The following RYR2 variants were observed in gnomAD, a reference collection of about 807,000 sequenced individuals.
RYR2 encodes cardiac muscle ryanodine receptor-calcium release channel.
Under a neutral mutation model 601.1 loss-of-function variants are expected in RYR2, and 227 were observed. The observed-to-expected ratio is 0.38, with a 90% CI of 0.34 to 0.42. RYR2 has a LOEUF of 0.42. RYR2 is among the 10% of genes least tolerant of loss of function. The probability of loss-of-function intolerance (pLI) is 1.00; values close to 1 mark genes in which losing one functional copy is unlikely to be tolerated. For synonymous variants in RYR2, 2,223 were observed against 2,175.1 expected, an observed-to-expected ratio of 1.02 and a Z score of -0.61; for missense variants, 4,646 against 6,156.5, an observed-to-expected ratio of 0.75 and a Z score of 8.21.
intron 73 of RYR2, among the ~76,000 whole-genome samples, chr1:237,719,391 G>A (rs377635319): frequency 6.6e-6 from 1 of 152,170 alleles, no homozygotes; most frequent in Non-Finnish European, 1.5e-5. Context: ...AGGAAGAAAA[G>A]AGGTTTAATT....
At chr1:237,126,713 G>A (rs1257868497) in intron 1 of RYR2, among the ~76,000 whole-genome samples, 5 of 152,116 alleles carry the variant, frequency 3.3e-5, no homozygotes, top group African/African-American at 1.2e-4. Flanking sequence ...TCAGCTCCTT[G>A]AAGGATCTGA....
intron 58 of RYR2, among the ~76,000 whole-genome samples, chr1:237,672,638 A>G (rs866359563): frequency 2.0e-5 from 3 of 152,200 alleles, no homozygotes; most frequent in Admixed American, 6.5e-5. Context: ...CTATTTGAAA[A>G]TATATAATAA....
intron 17 of RYR2, among the ~76,000 whole-genome samples, chr1:237,486,116 G>C (rs1345086996): frequency 6.6e-6 from 1 of 152,246 alleles, no homozygotes; most frequent in East Asian, 1.9e-4. Flanking sequence ...AATGACTTCA[G>C]GTTTTTAGCT....
intron 1 of RYR2, among the ~76,000 whole-genome samples, chr1:237,091,826 G>C (rs1379352149): frequency 6.6e-6 from 1 of 152,162 alleles, no homozygotes; most frequent in South Asian, 2.1e-4. Context: ...GGCCTGTGCT[G>C]CCTAATGTGG....
intron 1 of RYR2, among the ~76,000 whole-genome samples, chr1:237,179,482 G>A (rs1281981168): frequency 6.6e-6 from 1 of 151,778 alleles, no homozygotes; most frequent in African/African-American, 2.4e-5. Flanking sequence ...CTAGAAATGG[G>A]GAGGGAGAAG....
intron 11 of RYR2, among the ~76,000 whole-genome samples, chr1:237,422,537 A>G (rs989499746): frequency 5.9e-5 from 9 of 152,114 alleles, no homozygotes; most frequent in African/African-American, 1.9e-4. Flanking sequence ...TTGTTCCACA[A>G]TATTAAAATG....
intron 1 of RYR2, among the ~76,000 whole-genome samples, chr1:237,199,056 G>A (rs1572176156): frequency 6.6e-6 from 1 of 152,146 alleles, no homozygotes; most frequent in Admixed American, 6.5e-5. Flanking sequence ...AACTTCAAAG[G>A]TGGTTCCTTG....
intron 6 of RYR2, among the ~76,000 whole-genome samples, chr1:237,371,283 G>A (rs1405173763): frequency 1.3e-5 from 2 of 152,076 alleles, no homozygotes; most frequent in Non-Finnish European, 2.9e-5. Context: ...AACCTCCTGT[G>A]TAGCTAGGAC....
At chr1:237,590,037 A>G in intron 30 of RYR2, 36 bp downstream of exon 30, 1 of 1,563,110 alleles carries the variant, frequency 6.4e-7, no homozygotes, top group Non-Finnish European at 8.7e-7. Context: ...CCATTTCTAA[A>G]AAGCAGGAAA....
At chr1:237,612,495 A>G (rs1169024318) in intron 36 of RYR2, among the ~76,000 whole-genome samples, 1 of 152,162 alleles carries the variant, frequency 6.6e-6, no homozygotes, top group Non-Finnish European at 1.5e-5. Context: ...TGGCTAGTTA[A>G]TTCTTTTTAT....
chr1:237,547,108 C>T (rs555547865), intron 25 of RYR2, among the ~76,000 whole-genome samples: 3 of 151,228 alleles, frequency 2.0e-5, no homozygotes, highest in South Asian at 2.1e-4. Context: ...TGGGTTTAAG[C>T]GATTCTCCTG....
intron 29 of RYR2, among the ~76,000 whole-genome samples, chr1:237,586,873 C>T (rs1674587633): frequency 6.6e-6 from 1 of 151,796 alleles, no homozygotes; most frequent in Admixed American, 6.6e-5. Flanking sequence ...GTGCCCACCA[C>T]CATGCCCGGC....
chr1:237,648,976 T>C (rs1682448799), intron 49 of RYR2, among the ~76,000 whole-genome samples: 1 of 152,224 alleles, frequency 6.6e-6, no homozygotes, highest in African/African-American at 2.4e-5. Flanking sequence ...CAATTATGCT[T>C]CTCAATAAAA....
intron 17 of RYR2, among the ~76,000 whole-genome samples, chr1:237,482,531 A>G (rs1323021997): frequency 1.3e-5 from 2 of 152,106 alleles, no homozygotes; most frequent in African/African-American, 2.4e-5. Context: ...AAATGACTGG[A>G]TCACATTCTT....
chr1:237,201,019 C>G (rs578088327), intron 1 of RYR2, among the ~76,000 whole-genome samples: 1 of 152,350 alleles, frequency 6.6e-6, no homozygotes, highest in African/African-American at 2.4e-5. Context: ...AATCTCATTA[C>G]TTCTATTCCT....
intron 80 of RYR2, among the ~76,000 whole-genome samples, chr1:237,751,855 G>C (rs61830285): frequency 1.5e-4 from 23 of 152,172 alleles, no homozygotes; most frequent in Admixed American, 1.1e-3. Context: ...TGAAAGATCT[G>C]AACAAAAAAT....
intron 1 of RYR2, among the ~76,000 whole-genome samples, chr1:237,112,034 A>T (rs1047364962): frequency 2.6e-5 from 4 of 152,142 alleles, no homozygotes; most frequent in Non-Finnish European, 4.4e-5. Flanking sequence ...TAGTTGGAGG[A>T]TTAAATGAGA....
In RYR2 at chr1:237,252,628, G is replaced by A. The variant is rs200003166; in HGVS notation, c.49-17869G>A. ...TTAATTTTTACAAAAATAGAAATGA[G>A]GAAGTAACAAGTATTCGTAGTCTTT... On this transcript the variant is annotated intron_variant, in intron 1 of 104. Coordinates refer to ENST00000366574, the MANE Select transcript of RYR2 (RefSeq NM_001035.3). Among the ~76,000 whole-genome samples, 8 of 152,282 alleles carry A rather than the reference G, an allele frequency of 5.3e-5. No homozygotes were observed. In the East Asian group the frequency reaches 1.5e-3, roughly 29 times the overall value.
At chr1:237,431,307 A>T (rs12121168) in intron 12 of RYR2, among the ~76,000 whole-genome samples, 21,602 of 152,182 alleles carry the variant, frequency 0.14, 1,771 homozygotes, top group East Asian at 0.24. Context: ...CTTCTATTAT[A>T]TATTTAATGC....
Sources: allele counts gnomAD v4.1 joint callset (sites outside exome capture counted in the v4.1 genomes callset), GRCh38; gene constraint gnomAD v4.1.1; transcripts MANE v1.5; gene names NCBI Gene and HGNC (gene_info 2026-07-23, HGNC 2026-07-21).